The following ANGPT2 variants were observed in gnomAD, a reference collection of about 807,000 sequenced individuals.
ANGPT2 encodes angiopoietin-2.
A neutral mutation model predicts 62.9 loss-of-function variants in ANGPT2; 28 were observed. The observed-to-expected ratio is 0.44, with a 90% confidence interval of 0.33 to 0.61. The LOEUF (loss-of-function observed/expected upper bound fraction) is 0.61, where lower values mean the gene tolerates loss of function less well. Ranked by LOEUF, ANGPT2 falls within the 20% of genes least tolerant of loss-of-function variation. ANGPT2 has a pLI of 0.03. For synonymous variants in ANGPT2, 284 were observed against 207.8 expected (o/e 1.37, Z -3.15); for missense variants, 727 against 594.9 (o/e 1.22, Z -2.31).
intron 3 of ANGPT2, among the ~76,000 whole-genome samples, chr8:6,524,942 A>T (rs2442616): frequency 0.069 from 10,574 of 152,272 alleles, 428 homozygotes; most frequent in African/African-American, 0.1. Context: ...CTGTGTCACA[A>T]GGGCAGACAC....
At position 6,518,021 on chromosome 8, in the gene ANGPT2, C is replaced by G. The variant is rs115512325; in HGVS notation, c.927+1843G>C. The stretch of plus-strand genomic sequence containing the variant: ...ATGTTTCCAACCATGACCTGAGGCT[C>G]ATATAATCCCAGAGTACTATATATT... On this transcript the variant is annotated intron_variant, in intron 5 of 8. Transcript: ENST00000629816. Among the ~76,000 whole-genome samples the G allele has an allele frequency of 3.4e-3, 521 of 151,430 alleles. 1 individual carries two copies. Among genetic ancestry groups the G allele is most frequent in the African/African-American group, 0.012 (498 of 41,398 alleles).
intron 1 of ANGPT2, among the ~76,000 whole-genome samples, chr8:6,547,275 C>T (rs1359208766): frequency 6.6e-6 from 1 of 152,082 alleles, no homozygotes; most frequent in East Asian, 1.9e-4. Context: ...GTGTGATTCT[C>T]CAAATGCTTG....
intron 8 of ANGPT2, among the ~76,000 whole-genome samples, chr8:6,505,109 C>T (rs1002040566): frequency 2.1e-5 from 2 of 97,482 alleles, no homozygotes; most frequent in African/African-American, 6.3e-5. Flanking sequence ...TAGGGAATGG[C>T]ACTGGCAGGT....
At chr8:6,547,803 G>A (rs915264670) in intron 1 of ANGPT2, among the ~76,000 whole-genome samples, 9 of 152,092 alleles carry the variant, frequency 5.9e-5, no homozygotes, top group Non-Finnish European at 1.5e-5. Flanking sequence ...GGGGCCAGGG[G>A]AGCACCGGAA....
intron 8 of ANGPT2, 102 bp from the exon 9 acceptor site, chr8:6,503,363 G>C (rs922142206): frequency 1.6e-6 from 2 of 1,225,738 alleles, no homozygotes; most frequent in African/African-American, 1.5e-5. Context: ...CTGCAGGCGT[G>C]TGGAGTAGGC....
chr8:6,544,276 C>T (rs1822138156), intron 1 of ANGPT2, among the ~76,000 whole-genome samples: 2 of 152,196 alleles, frequency 1.3e-5, no homozygotes, highest in Non-Finnish European at 2.9e-5. Flanking sequence ...ACACGTTCTA[C>T]TTCTGTCTGT....
Position 6,519,899 on chromosome 8 carries a change from T to G in ANGPT2, c.892A>C (p.Thr298Pro). The change falls in exon 5 of 9, where the codon ACG becomes CCG. Residue 298 changes from threonine (T) to proline (P), a missense_variant. By Grantham distance (38) the Thr-to-Pro change is conservative (BLOSUM62 -1). Transcript: ENST00000629816. ...TCTGTAGAATTAGGGAATGTTAACG[T>G]GTAGATGCCATTCGTGGTGTGTCCT... is the stretch of plus-strand genomic sequence containing the variant. The part of the protein sequence containing the change: ...KSGHTTNGIY[T>P]LTFPNSTEEI... 6.2e-7 allele frequency: 1 copy of G among 1,614,084 alleles called. No homozygotes were observed. The highest frequency in any genetic ancestry group is 8.5e-7 in the Non-Finnish European group (1 of 1,179,944).
chr8:6,505,295 A>ATTCTTTC (rs1491494016), intron 8 of ANGPT2, among the ~76,000 whole-genome samples: 2 of 73,746 alleles, frequency 2.7e-5, no homozygotes, highest in Admixed American at 1.6e-4. Flanking sequence ...TGTTATATAC[A>ATTCTTTC]TATATATGTA....
At chr8:6,550,967 T>A (rs1002794847) in intron 1 of ANGPT2, among the ~76,000 whole-genome samples, 3 of 152,206 alleles carry the variant, frequency 2.0e-5, no homozygotes, top group Non-Finnish European at 4.4e-5. Context: ...CTCTGACTGC[T>A]GTCCTAATAA....
chr8:6,550,024 G>A (rs1823344968), intron 1 of ANGPT2, among the ~76,000 whole-genome samples: 1 of 152,222 alleles, frequency 6.6e-6, no homozygotes, highest in African/African-American at 2.4e-5. Context: ...GACGGGGGAC[G>A]TGCTGTGAAT....
chr8:6,500,026 G>A lies in ANGPT2; in HGVS notation c.*3075C>T. The A allele has an allele frequency of 4.2e-6, 4 of 948,724 alleles. No individual in the cohort carries two copies. The highest frequency in any genetic ancestry group is 1.6e-5 in the African/African-American group (1 of 62,286). 58.8% of individuals were successfully genotyped at this position (948,724 alleles called of 1,614,324 possible). The stretch of plus-strand genomic sequence containing the variant: ...TGGACTTAAGTTTTTATCCAGTCAA[G>A]CACAATTATGCCCATAATTAAAAAG... On this transcript the variant is annotated 3_prime_UTR_variant, in exon 9 of 9. Transcript: ENST00000629816.
chr8:6,555,465 C>A (rs1268008090), intron 1 of ANGPT2, among the ~76,000 whole-genome samples: 1 of 142,636 alleles, frequency 7.0e-6, no homozygotes, highest in African/African-American at 2.6e-5. Context: ...GTGGTTTGCC[C>A]TTTTTTTTTT....
rs142236993 is a variant in ANGPT2, at chr8:6,532,307, G to A, written c.444+25C>T. The A allele has an allele frequency of 2.7e-5, 43 of 1,613,604 alleles. 1 individual carries two copies. In the South Asian group the frequency reaches 4.1e-4, roughly 15 times the overall value. On this transcript the variant is annotated intron_variant, in intron 2 of 8. Transcript: ENST00000629816. ...GCTAGTCTCTAGCTGCAGGGACACC[G>A]TGTGCTTTATGTGGCATTACTTACT...
intron 1 of ANGPT2, among the ~76,000 whole-genome samples, chr8:6,537,222 T>G (rs912440740): frequency 5.9e-5 from 9 of 152,142 alleles, no homozygotes; most frequent in African/African-American, 2.2e-4. Context: ...CTGAAGAGGA[T>G]TATTCCATGA....
intron 5 of ANGPT2, among the ~76,000 whole-genome samples, chr8:6,516,859 GT>G (rs1816366291): frequency 6.6e-6 from 1 of 152,036 alleles, no homozygotes; most frequent in Admixed American, 6.6e-5. Flanking sequence ...AGTTTATCTT[GT>G]TATGGAAGTC....
intron 7 of ANGPT2, among the ~76,000 whole-genome samples, chr8:6,512,021 A>G (rs1335590756): frequency 1.3e-5 from 2 of 151,304 alleles, no homozygotes; most frequent in Non-Finnish European, 2.9e-5. Context: ...TGAAGTTTTG[A>G]TCTCTTTGGA....
intron 1 of ANGPT2, among the ~76,000 whole-genome samples, chr8:6,537,470 G>A (rs148973327): frequency 6.6e-6 from 1 of 152,016 alleles, no homozygotes; most frequent in East Asian, 1.9e-4. Context: ...TAAAAGAGTT[G>A]CGCCCCAGAC....
At chr8:6,546,632 G>A (rs1312982785) in intron 1 of ANGPT2, among the ~76,000 whole-genome samples, 5 of 152,080 alleles carry the variant, frequency 3.3e-5, no homozygotes, top group Admixed American at 6.6e-5. Flanking sequence ...GGAGCTAACC[G>A]CTTAATACAA....
chr8:6,505,974 C>G lies in ANGPT2; in HGVS notation c.1328-2713G>C, dbSNP rs376270281. 8.2e-3 allele frequency among the ~76,000 whole-genome samples: 10 copies of G among 1,220 alleles called. 4 individuals are homozygous for G. Among genetic ancestry groups the G allele is most frequent in the Non-Finnish European group, 0.035 (10 of 284 alleles). The allele number at this position is 1,220 out of a possible 152,430, so 0.8% of individuals were successfully genotyped here. ...ATGTATATATAAAAACATACATATTCTTTGTATATATAAAAACATATACAT... is the reference window on the plus strand; with the variant it reads ...ATGTATATATAAAAACATACATATTGTTTGTATATATAAAAACATATACAT... On this transcript the variant is annotated intron_variant, in intron 8 of 8. Transcript: ENST00000629816.
Sources: gnomAD v4.1 joint callset for allele counts (sites outside exome capture counted in the v4.1 genomes callset) on GRCh38, gnomAD v4.1.1 for gene constraint, MANE v1.5 for transcripts, NCBI Gene and HGNC (gene_info 2026-07-23, HGNC 2026-07-21) for gene names.